The following ROBO2 variants were observed in gnomAD, a reference collection of about 807,000 sequenced individuals.
ROBO2 encodes the protein roundabout guidance receptor 2.
ROBO2 carries 53 observed loss-of-function variants against 160.8 expected under a neutral mutation model. That is an observed-to-expected ratio of 0.33 (90% CI 0.26 to 0.41). The LOEUF (loss-of-function observed/expected upper bound fraction) is 0.41. Among genes scored for constraint, ROBO2 ranks in the 10% least tolerant of loss-of-function variants. The pLI is 1.00. For synonymous variants in ROBO2, 664 were observed against 611.7 expected, an observed-to-expected ratio of 1.09 and a Z score of -1.26; for missense variants, 1,577 against 1,722.4, an observed-to-expected ratio of 0.92 and a Z score of 1.49.
intron 2 of ROBO2, among the ~76,000 whole-genome samples, chr3:76,858,694 T>C (rs1288780872): frequency 6.6e-6 from 1 of 152,196 alleles, no homozygotes; most frequent in African/African-American, 2.4e-5. Flanking sequence ...CACCTGTTAA[T>C]AGAGAATTGT....
At chr3:77,014,182 G>C (rs1050728188) in intron 2 of ROBO2, among the ~76,000 whole-genome samples, 1 of 151,810 alleles carries the variant, frequency 6.6e-6, no homozygotes, top group Non-Finnish European at 1.5e-5. Flanking sequence ...TAAACATATA[G>C]TCAACAGACT....
At chr3:77,063,890 G>A (rs1253967260) in intron 1 of ROBO2, among the ~76,000 whole-genome samples, 1 of 152,092 alleles carries the variant, frequency 6.6e-6, no homozygotes, top group Non-Finnish European at 1.5e-5. Flanking sequence ...CAATTTATGT[G>A]TTCAAAGTTT....
At chr3:77,320,806 G>A (rs1429763272) in intron 2 of ROBO2, among the ~76,000 whole-genome samples, 1 of 152,050 alleles carries the variant, frequency 6.6e-6, no homozygotes, top group Non-Finnish European at 1.5e-5. Context: ...TATATTTTTT[G>A]TTATCTCTTT....
At chr3:76,577,698 G>A (rs1288369773) in intron 2 of ROBO2, among the ~76,000 whole-genome samples, 2 of 152,072 alleles carry the variant, frequency 1.3e-5, no homozygotes, top group African/African-American at 4.8e-5. Flanking sequence ...TGAGGATTTC[G>A]ATTTCTGCAG....
intron 2 of ROBO2, among the ~76,000 whole-genome samples, chr3:76,623,519 A>G (rs766790973): frequency 4.7e-4 from 71 of 152,346 alleles, no homozygotes; most frequent in Middle Eastern, 3.4e-3. Flanking sequence ...TTACTAATGC[A>G]TACCAGCAAT....
chr3:77,054,686 A>G (rs73843462), intron 1 of ROBO2, among the ~76,000 whole-genome samples: 20,185 of 152,128 alleles, frequency 0.13, 1,677 homozygotes, highest in African/African-American at 0.22. Flanking sequence ...AGAGAGTGAT[A>G]GAAATAGAAT....
chr3:76,429,205 C>T (rs1239386486), intron 2 of ROBO2, among the ~76,000 whole-genome samples: 1 of 151,982 alleles, frequency 6.6e-6, no homozygotes, highest in Admixed American at 6.6e-5. Flanking sequence ...CACTCACTCA[C>T]ACTCAGGGTC....
chr3:76,575,461 C>T (rs752855978), intron 2 of ROBO2, among the ~76,000 whole-genome samples: 10 of 152,020 alleles, frequency 6.6e-5, no homozygotes, highest in South Asian at 6.2e-4. Context: ...AATCACCATG[C>T]TAATTATACG....
At chr3:77,147,945 C>T (rs2150497841) in intron 2 of ROBO2, among the ~76,000 whole-genome samples, 1 of 152,310 alleles carries the variant, frequency 6.6e-6, no homozygotes, top group Middle Eastern at 3.4e-3. Context: ...GAACTTCAAG[C>T]TGTCACCATT....
chr3:76,500,186 A>G (rs2107630790), intron 2 of ROBO2, among the ~76,000 whole-genome samples: 1 of 152,212 alleles, frequency 6.6e-6, no homozygotes, highest in Non-Finnish European at 1.5e-5. Flanking sequence ...TGACACAATC[A>G]CAGCTCACTG....
chr3:77,143,826 A>G (rs974492884), intron 2 of ROBO2, among the ~76,000 whole-genome samples: 10 of 150,730 alleles, frequency 6.6e-5, no homozygotes, highest in East Asian at 5.9e-4. Context: ...CATATTTTTT[A>G]GTATTCTGGT....
intron 2 of ROBO2, among the ~76,000 whole-genome samples, chr3:77,389,201 C>A (rs2074447530): frequency 6.6e-6 from 1 of 152,150 alleles, no homozygotes; most frequent in Non-Finnish European, 1.5e-5. Context: ...ACCTTGGCCT[C>A]CCAAAGTGCT....
chr3:76,070,493 C>T (rs2068414770), intron 2 of ROBO2, among the ~76,000 whole-genome samples: 1 of 152,182 alleles, frequency 6.6e-6, no homozygotes, highest in Non-Finnish European at 1.5e-5. Context: ...AAGATGTTAT[C>T]AATGACAATG....
intron 2 of ROBO2, among the ~76,000 whole-genome samples, chr3:77,183,318 G>A (rs984157107): frequency 3.9e-5 from 6 of 151,924 alleles, no homozygotes; most frequent in African/African-American, 1.2e-4. Flanking sequence ...TAATACTTAT[G>A]GGCTGAGTTA....
At chr3:76,885,637 A>G (rs1179980850) in intron 2 of ROBO2, among the ~76,000 whole-genome samples, 1 of 152,138 alleles carries the variant, frequency 6.6e-6, no homozygotes, top group Non-Finnish European at 1.5e-5. Flanking sequence ...AAATTAGAAG[A>G]TGAATGCAAA....
At chr3:77,182,012 T>C (rs1312132417) in intron 2 of ROBO2, among the ~76,000 whole-genome samples, 1 of 152,130 alleles carries the variant, frequency 6.6e-6, no homozygotes, top group Non-Finnish European at 1.5e-5. Context: ...CCTACTGTTA[T>C]GAAAGTTTTT....
At chr3:76,496,441 G>C (rs1442494387) in intron 2 of ROBO2, among the ~76,000 whole-genome samples, 1 of 152,122 alleles carries the variant, frequency 6.6e-6, no homozygotes, top group Non-Finnish European at 1.5e-5. Flanking sequence ...TCTGTTCTAG[G>C]ACCTATTACC....
At position 77,285,261 on chromosome 3, in the gene ROBO2, T is replaced by TAA. The variant is rs2060503686; in HGVS notation, c.388+186921_388+186922insAA. On this transcript the variant is annotated intron_variant, in intron 2 of 25. Transcript: ENST00000461745. Reference sequence around the variant, plus strand: ...ACGACTTCATTGGCCAGAACACTTATGATTTGTACATTTCACTGTAGGTGT... The same window carrying TAA: ...ACGACTTCATTGGCCAGAACACTTATAAGATTTGTACATTTCACTGTAGGTGT... Among the ~76,000 whole-genome samples the TAA allele has an allele frequency of 2.0e-5, 3 of 152,170 alleles. No individual in the cohort carries two copies. In the South Asian group the frequency reaches 6.2e-4, roughly 31 times the overall value.
At chr3:77,335,910 A>G (rs1486459434) in intron 2 of ROBO2, among the ~76,000 whole-genome samples, 1 of 152,166 alleles carries the variant, frequency 6.6e-6, no homozygotes, top group Non-Finnish European at 1.5e-5. Flanking sequence ...TGATGTCCTA[A>G]TGGTTTGATG....
Sources: allele counts gnomAD v4.1 joint callset (sites outside exome capture counted in the v4.1 genomes callset), GRCh38; gene constraint gnomAD v4.1.1; transcripts MANE v1.5; gene names NCBI Gene and HGNC (gene_info 2026-07-23, HGNC 2026-07-21).